Variants in STX12 observed in about 807,000 individuals in gnomAD.
The protein encoded by STX12 is syntaxin-12.
STX12 carries 17 observed loss-of-function variants against 42.2 expected under a neutral mutation model. The observed-to-expected ratio is 0.40, with a 90% CI of 0.28 to 0.60. STX12 has a LOEUF of 0.60. Among genes scored for constraint, STX12 ranks in the 20% least tolerant of loss-of-function variants. STX12 has a pLI of 0.39. For synonymous variants in STX12, 108 were observed against 116.7 expected, an observed-to-expected ratio of 0.93 and a Z score of 0.48; for missense variants, 297 against 330.9, an observed-to-expected ratio of 0.90 and a Z score of 0.79.
intron 1 of STX12, among the ~76,000 whole-genome samples, chr1:27,787,828 G>C (rs2088709843): frequency 6.6e-6 from 1 of 152,108 alleles, no homozygotes; most frequent in South Asian, 2.1e-4. Context: ...TTACCAAAAA[G>C]TAAATTTGGA....
intron 8 of STX12, among the ~76,000 whole-genome samples, chr1:27,820,587 T>A (rs551946112): frequency 6.6e-6 from 1 of 152,304 alleles, no homozygotes; most frequent in African/African-American, 2.4e-5. Context: ...TCCTTGCCCA[T>A]CCTATGTCCT....
intron 1 of STX12, among the ~76,000 whole-genome samples, chr1:27,780,727 G>GCA (rs1239332850): frequency 3.6e-4 from 55 of 151,994 alleles, no homozygotes; most frequent in African/African-American, 1.2e-3. Context: ...TGAGGCGAGT[G>GCA]GATCTCTTGA....
chr1:27,783,492 C>T (rs1003020491), intron 1 of STX12, among the ~76,000 whole-genome samples: 6 of 152,102 alleles, frequency 3.9e-5, no homozygotes, highest in African/African-American at 1.2e-4. Flanking sequence ...TGCCATCATG[C>T]CTGGCTAATT....
intron 4 of STX12, 42 bp downstream of exon 4, chr1:27,801,857 GTTC>G (rs2088830444): frequency 6.5e-7 from 1 of 1,546,874 alleles, no homozygotes; most frequent in Admixed American, 2.4e-5. Flanking sequence ...ATATCAGAAT[GTTC>G]TTTTCCAAGT....
intron 3 of STX12, among the ~76,000 whole-genome samples, chr1:27,800,604 C>G (rs890753642): frequency 6.6e-6 from 1 of 151,968 alleles, no homozygotes; most frequent in Non-Finnish European, 1.5e-5. Flanking sequence ...TTTCAACTCA[C>G]TGCAGCCTCA....
rs2088893819 is a variant in STX12, at chr1:27,810,263, A to G, written c.444A>G (p.Arg148=). 2 of 1,613,734 alleles carry G rather than the reference A, an allele frequency of 1.2e-6. No homozygotes were observed. The highest frequency in any genetic ancestry group is 1.7e-6 in the Non-Finnish European group (2 of 1,179,730). ...GSRLSAEERQ[R]EEQLVSFDSH... ...CTTTCTAGGCAGAAGAGAGGCAAAG[A>G]GAGGAGCAGCTGGTCTCATTTGACA... The change falls in exon 5 of 9, where the codon AGA becomes AGG. Residue 148 remains arginine (R), a synonymous_variant. Coordinates refer to ENST00000373943, the MANE Select transcript of STX12 (RefSeq NM_177424.3).
At chr1:27,817,965 G>A (rs768899180) in intron 7 of STX12, 42 bp downstream of exon 7, 2 of 1,559,270 alleles carry the variant, frequency 1.3e-6, no homozygotes, top group Middle Eastern at 1.8e-4. Flanking sequence ...TGAGTTGATA[G>A]TATTTGGCAT....
chr1:27,798,968 C>CAA (rs1027730243), intron 3 of STX12, among the ~76,000 whole-genome samples: 1 of 146,442 alleles, frequency 6.8e-6, no homozygotes, highest in Non-Finnish European at 1.5e-5. Context: ...AAAAAAAAAA[C>CAA]AAAAACATAA....
chr1:27,801,375 G>A (rs751994271), intron 3 of STX12, among the ~76,000 whole-genome samples: 1 of 151,356 alleles, frequency 6.6e-6, no homozygotes, highest in Non-Finnish European at 1.5e-5. Flanking sequence ...CTGCGCTCCA[G>A]CCTGGGCGAC....
intron 1 of STX12, among the ~76,000 whole-genome samples, chr1:27,778,595 G>A (rs145252863): frequency 6.6e-6 from 1 of 152,010 alleles, no homozygotes; most frequent in African/African-American, 2.4e-5. Flanking sequence ...GGAGGCTGAG[G>A]TAGGAGAATC....
At chr1:27,780,904 A>T (rs2088663881) in intron 1 of STX12, among the ~76,000 whole-genome samples, 1 of 151,748 alleles carries the variant, frequency 6.6e-6, no homozygotes, top group African/African-American at 2.4e-5. Flanking sequence ...GGTAGCAGTG[A>T]GCCGAGATCA....
chr1:27,788,011 A>C (rs1024627928), intron 1 of STX12, among the ~76,000 whole-genome samples: 1 of 152,184 alleles, frequency 6.6e-6, no homozygotes, highest in Non-Finnish European at 1.5e-5. Context: ...TTCACAAGTG[A>C]AACTGGCATT....
chr1:27,782,422 T>C (rs1021553990), intron 1 of STX12, among the ~76,000 whole-genome samples: 1 of 152,222 alleles, frequency 6.6e-6, no homozygotes. Flanking sequence ...AATTCAGAGC[T>C]ATGCTCTTAA....
chr1:27,784,639 T>C (rs2088688580), intron 1 of STX12, among the ~76,000 whole-genome samples: 1 of 152,196 alleles, frequency 6.6e-6, no homozygotes, highest in Non-Finnish European at 1.5e-5. Context: ...GTAAAATACA[T>C]GAGTCATTGA....
In STX12 at chr1:27,822,405, C is replaced by T; in HGVS notation, c.*76C>T. 1.1e-6 allele frequency: 1 copy of T among 898,130 alleles called. No individual in the cohort carries two copies. The highest frequency in any genetic ancestry group is 1.9e-6 in the Non-Finnish European group (1 of 530,042). 55.6% of individuals were successfully genotyped at this position (898,130 alleles called of 1,614,324 possible). On this transcript the variant is annotated 3_prime_UTR_variant, in exon 9 of 9. Coordinates refer to ENST00000373943, the MANE Select transcript of STX12 (RefSeq NM_177424.3). ...TGAAGTCTTGCCAGAACAAACTGAT[C>T]ACAAGAAGACAGCATATATCAGAAC...
At chr1:27,804,740 G>A (rs1443477921) in intron 4 of STX12, among the ~76,000 whole-genome samples, 1 of 151,854 alleles carries the variant, frequency 6.6e-6, no homozygotes, top group Middle Eastern at 3.2e-3. Flanking sequence ...CAACCCGGGA[G>A]GCGGAGATTG....
intron 1 of STX12, among the ~76,000 whole-genome samples, chr1:27,779,430 T>A (rs1032231923): frequency 6.6e-6 from 1 of 151,150 alleles, no homozygotes; most frequent in African/African-American, 2.5e-5. Context: ...ACCTCCTGGG[T>A]TCAAGCAGTT....
At chr1:27,790,242 G>A (rs1341430794) in intron 2 of STX12, among the ~76,000 whole-genome samples, 5 of 152,156 alleles carry the variant, frequency 3.3e-5, no homozygotes, top group Non-Finnish European at 5.9e-5. Context: ...GTGGACCTTC[G>A]TGGTGAGTGT....
intron 2 of STX12, among the ~76,000 whole-genome samples, chr1:27,793,233 ATATTTT>A (rs997514999): frequency 6.6e-6 from 1 of 152,196 alleles, no homozygotes; most frequent in African/African-American, 2.4e-5. Flanking sequence ...TGTTCTTTTT[ATATTTT>A]TATCAGAACT....
Sources: gnomAD v4.1 joint callset for allele counts (sites outside exome capture counted in the v4.1 genomes callset) on GRCh38, gnomAD v4.1.1 for gene constraint, MANE v1.5 for transcripts, NCBI Gene and HGNC (gene_info 2026-07-23, HGNC 2026-07-21) for gene names.